Variants in PCDHA8 observed in about 807,000 individuals in gnomAD.
PCDHA8 encodes protocadherin alpha-8.
Under a neutral mutation model 61.8 loss-of-function variants are expected in PCDHA8, and 53 were observed. That is an observed-to-expected ratio of 0.86 (90% CI 0.69 to 1.08). The LOEUF (loss-of-function observed/expected upper bound fraction) is 1.08. Among genes scored for constraint, PCDHA8 ranks in the 50% least tolerant of loss-of-function variants. PCDHA8 has a pLI of 0.00. For missense variants in PCDHA8, 1,293 were observed against 1,245.0 expected (o/e 1.04, Z -0.58); for synonymous variants, 618 against 556.6 (o/e 1.11, Z -1.55).
chr5:140,957,407 A>G lies in PCDHA8; in HGVS notation c.2395-21542A>G, dbSNP rs570373783. On this transcript the variant is annotated intron_variant, in intron 1 of 3. Coordinates refer to ENST00000531613, the MANE Select transcript of PCDHA8 (RefSeq NM_018911.3). ...GTTATAATTGTCCTAATTTATTATT[A>G]TTGTTGTTAATCTTTTACTGTGCCT... Among the ~76,000 whole-genome samples, 13 of 152,274 alleles carry G rather than the reference A, an allele frequency of 8.5e-5. No homozygotes were observed. The South Asian group carries it at 2.7e-3, about 32-fold the overall frequency.
At chr5:140,869,609 C>T (rs1554163287) in intron 1 of PCDHA8, 1 of 1,613,972 alleles carries the variant, frequency 6.2e-7, no homozygotes, top group Non-Finnish European at 8.5e-7. Flanking sequence ...GCTCTATTGA[C>T]CTACAGGCTA....
chr5:140,878,253 G>A lies in PCDHA8; in HGVS notation c.2394+34538G>A, dbSNP rs182369955. 2.6e-3 allele frequency among the ~76,000 whole-genome samples: 400 copies of A among 152,208 alleles called. 1 individual carries two copies. The highest frequency in any genetic ancestry group is 9.2e-3 in the African/African-American group (384 of 41,530). Reference sequence around the variant, plus strand: ...AATGGATTCTTTAACTCTTCCTCACGTGCTTAGGCTTTTAAAATAGCCTTC... The same window carrying A: ...AATGGATTCTTTAACTCTTCCTCACATGCTTAGGCTTTTAAAATAGCCTTC... On this transcript the variant is annotated intron_variant, in intron 1 of 3. Transcript: ENST00000531613.
At chr5:140,886,560 G>A (rs1230327560) in intron 1 of PCDHA8, among the ~76,000 whole-genome samples, 3 of 151,904 alleles carry the variant, frequency 2.0e-5, no homozygotes, top group Non-Finnish European at 4.4e-5. Flanking sequence ...GGGCACGGTG[G>A]CTCACGCCTG....
In PCDHA8 at chr5:140,841,429, C is replaced by T; in HGVS notation, c.108C>T (p.Pro36=). The change falls in exon 1 of 4, where the codon CCC becomes CCT. Residue 36 remains proline, a synonymous_variant. Coordinates refer to ENST00000531613, the MANE Select transcript of PCDHA8 (RefSeq NM_018911.3). ...VGSGQLHYSV[P]EEAKHGTFVG... The stretch of plus-strand genomic sequence containing the variant: ...GCGGCCAGCTCCACTACTCCGTCCC[C>T]GAGGAGGCCAAACACGGCACCTTCG... 6.2e-7 allele frequency: 1 copy of T among 1,612,960 alleles called. No homozygotes were observed. The highest frequency in any genetic ancestry group is 1.3e-5 in the African/African-American group (1 of 74,956).
chr5:140,969,586 C>A lies in PCDHA8; in HGVS notation c.2395-9363C>A. The A allele has an allele frequency of 3.4e-6, 3 of 894,952 alleles. No homozygotes were observed. In the Admixed American group the frequency reaches 9.0e-5, roughly 27 times the overall value. The allele number at this position is 894,952 out of a possible 1,614,324, so 55.4% of individuals were successfully genotyped here. A position where few individuals can be genotyped will look rare whatever the true frequency, so the allele number is the denominator to read the frequency against. ...AATTGTTTGAGAAGTGAGGATTAGT[C>A]TTAATATTTAATGCTAAAACACAGA... On this transcript the variant is annotated intron_variant, in intron 1 of 3. Transcript: ENST00000531613.
At chr5:140,955,407 C>T (rs1453424058) in intron 1 of PCDHA8, among the ~76,000 whole-genome samples, 1 of 152,098 alleles carries the variant, frequency 6.6e-6, no homozygotes, top group African/African-American at 2.4e-5. Flanking sequence ...ATACAGTTCT[C>T]ATGATAGTGA....
chr5:140,962,495 C>T (rs2153732507), intron 1 of PCDHA8, among the ~76,000 whole-genome samples: 1 of 152,240 alleles, frequency 6.6e-6, no homozygotes, highest in Admixed American at 6.5e-5. Context: ...AATTTTCAGA[C>T]ACCTCAGCCA....
intron 1 of PCDHA8, chr5:140,968,672 G>A: frequency 6.2e-7 from 1 of 1,614,180 alleles, no homozygotes; most frequent in Non-Finnish European, 8.5e-7. Context: ...CTTTAAGGTA[G>A]AGCTGCACAC....
Position 140,858,189 on chromosome 5 carries a change from T to C in PCDHA8, c.2394+14474T>C. The C allele has an allele frequency of 1.3e-6, 2 of 1,597,232 alleles. 1 individual carries two copies. Among genetic ancestry groups the C allele is most frequent in the Non-Finnish European group, 1.7e-6 (2 of 1,167,008 alleles). On this transcript the variant is annotated intron_variant, in intron 1 of 3. Coordinates refer to ENST00000531613, the MANE Select transcript of PCDHA8 (RefSeq NM_018911.3). ...TCCAGCTTGCTGGTGCTCACGCTGC[T>C]GCTGTACACTGCACTGAGGTGCTCG...
chr5:141,005,936 G>A (rs1233031842), intron 3 of PCDHA8, among the ~76,000 whole-genome samples: 1 of 151,890 alleles, frequency 6.6e-6, no homozygotes, highest in African/African-American at 2.4e-5. Context: ...GACAGAGTGA[G>A]AACCTATCTC....
In PCDHA8 at chr5:140,844,977, T is replaced by C. The variant is rs1326529919; in HGVS notation, c.2394+1262T>C. On this transcript the variant is annotated intron_variant, in intron 1 of 3. Transcript: ENST00000531613. ...TTCTTACAGTTTGTTATTAGTATTGTTTTAAATCTTTTAATCACTTATGAA... is the reference window on the plus strand; with the variant it reads ...TTCTTACAGTTTGTTATTAGTATTGCTTTAAATCTTTTAATCACTTATGAA... 1.3e-5 allele frequency among the ~76,000 whole-genome samples: 2 copies of C among 149,260 alleles called. 1 individual carries two copies. Among genetic ancestry groups the C allele is most frequent in the Non-Finnish European group, 3.0e-5 (2 of 66,708 alleles).
At chr5:140,983,092 T>C (rs782172308) in intron 3 of PCDHA8, among the ~76,000 whole-genome samples, 4 of 152,178 alleles carry the variant, frequency 2.6e-5, no homozygotes, top group Non-Finnish European at 5.9e-5. Flanking sequence ...TCAAAGTCAA[T>C]CTGCTTCTCT....
chr5:140,897,720 G>A (rs1457512042), intron 1 of PCDHA8, among the ~76,000 whole-genome samples: 1 of 152,086 alleles, frequency 6.6e-6, no homozygotes, highest in Non-Finnish European at 1.5e-5. Context: ...GGGATGGCTG[G>A]GTCAAATAGT....
intron 3 of PCDHA8, chr5:140,988,770 G>A (rs1388594585): frequency 6.6e-6 from 1 of 152,168 alleles, no homozygotes; most frequent in African/African-American, 2.4e-5. Flanking sequence ...TACAGTCATG[G>A]TTAAGACCAT....
chr5:140,927,635 A>G (rs782672031), intron 1 of PCDHA8: 17 of 1,614,038 alleles, frequency 1.1e-5, no homozygotes, highest in East Asian at 4.5e-5. Context: ...ACTGCACCCA[A>G]TGGGACTGTG....
chr5:140,927,516 C>G (rs782661477), intron 1 of PCDHA8: 22 of 1,614,066 alleles, frequency 1.4e-5, no homozygotes, highest in Non-Finnish European at 1.8e-5. Flanking sequence ...CTCGGGACGG[C>G]GGGCTACCTG....
At position 140,932,218 on chromosome 5, in the gene PCDHA8, T is replaced by G. The variant is rs556134668; in HGVS notation, c.2395-46731T>G. ...TCTGTTAATATTCTTGATGGGCAATTTAAATTTTTTAGAATGGTATCTAAG... is the reference window on the plus strand; with the variant it reads ...TCTGTTAATATTCTTGATGGGCAATGTAAATTTTTTAGAATGGTATCTAAG... On this transcript the variant is annotated intron_variant, in intron 1 of 3. Coordinates refer to ENST00000531613, the MANE Select transcript of PCDHA8 (RefSeq NM_018911.3). Among the ~76,000 whole-genome samples, 20 of 152,034 alleles carry G rather than the reference T, an allele frequency of 1.3e-4. 1 individual carries two copies. Among genetic ancestry groups the G allele is most frequent in the Middle Eastern group, 3.4e-3 (1 of 292 alleles).
rs140138948 is a variant in PCDHA8 at position 140,849,650 on chromosome 5, T to G, written c.2394+5935T>G. The G allele has an allele frequency of 0.022, 35,883 of 1,598,700 alleles. 3,605 individuals carry two copies. The highest frequency in any genetic ancestry group is 0.044 in the Middle Eastern group (261 of 5,946). On this transcript the variant is annotated intron_variant, in intron 1 of 3. Coordinates refer to ENST00000531613, the MANE Select transcript of PCDHA8 (RefSeq NM_018911.3). The stretch of plus-strand genomic sequence containing the variant: ...TAGACGCAGATGCCAACGGGCAGGT[T>G]ACCTGCTCCCTGACGCCCCACGTCC...
intron 1 of PCDHA8, chr5:140,850,791 A>G: frequency 1.3e-6 from 2 of 1,598,378 alleles, no homozygotes; most frequent in African/African-American, 2.7e-5. Context: ...GGGTAAGCAG[A>G]AGACCGACCT....
Sources: gnomAD v4.1 joint callset for allele counts (sites outside exome capture counted in the v4.1 genomes callset) on GRCh38, gnomAD v4.1.1 for gene constraint, MANE v1.5 for transcripts, NCBI Gene and HGNC (gene_info 2026-07-23, HGNC 2026-07-21) for gene names.